GABRG2: variants seen among roughly 807,000 people sequenced by gnomAD.
GABRG2 encodes gamma-aminobutyric acid receptor subunit gamma-2.
In GABRG2, 16 loss-of-function variants were observed where a neutral mutation model predicts 56.4. The ratio of observed to expected loss-of-function variants is 0.28; its 90% CI spans 0.19 to 0.43. GABRG2 has a LOEUF of 0.43. Ranked by LOEUF, GABRG2 falls within the 20% of genes least tolerant of loss-of-function variation. GABRG2 has a pLI of 1.00. For synonymous variants in GABRG2, 208 were observed against 205.5 expected, an observed-to-expected ratio of 1.01 and a Z score of -0.10; for missense variants, 327 against 582.7, an observed-to-expected ratio of 0.56 and a Z score of 4.52.
chr5:162,104,902 G>C lies in GABRG2; in HGVS notation c.769+876G>C, dbSNP rs112253583. Among the ~76,000 whole-genome samples the C allele has an allele frequency of 1.6e-3, 246 of 152,272 alleles. 3 individuals are homozygous for C. The highest frequency in any genetic ancestry group is 5.4e-3 in the African/African-American group (223 of 41,554). On this transcript the variant is annotated intron_variant, in intron 6 of 9. Coordinates refer to ENST00000639213, the MANE Select transcript of GABRG2 (RefSeq NM_198904.4). ...TATGTTTCTGTCTCATGGGTGGCCA[G>C]TTTGAACTCTCAGCAATGTTGCTTA... is the stretch of plus-strand genomic sequence containing the variant.
At chr5:162,109,173 A>G (rs1195686931) in intron 6 of GABRG2, among the ~76,000 whole-genome samples, 2 of 151,620 alleles carry the variant, frequency 1.3e-5, no homozygotes, top group African/African-American at 2.4e-5. Context: ...GTTCTCCCTC[A>G]TAGGTGGGAA....
intron 2 of GABRG2, among the ~76,000 whole-genome samples, 172 bp from the exon 3 acceptor site, chr5:162,095,323 C>A (rs1177053028): frequency 1.3e-5 from 2 of 152,220 alleles, no homozygotes; most frequent in Middle Eastern, 3.4e-3. Context: ...AAAGATATTT[C>A]TTTGAAAACA....
intron 6 of GABRG2, among the ~76,000 whole-genome samples, chr5:162,138,953 A>G (rs1467523892): frequency 6.6e-6 from 1 of 152,092 alleles, no homozygotes; most frequent in Non-Finnish European, 1.5e-5. Flanking sequence ...TGAGAACCTA[A>G]ACGCTCCACT....
chr5:162,149,364 A>C (rs373903217), intron 8 of GABRG2, 51 bp downstream of exon 8: 46 of 1,580,750 alleles, frequency 2.9e-5, no homozygotes, highest in Non-Finnish European at 3.9e-5. Context: ...ATTTCGGTTT[A>C]GTTTGTTTTC....
At chr5:162,118,204 G>A (rs1762751973) in intron 6 of GABRG2, among the ~76,000 whole-genome samples, 2 of 146,082 alleles carry the variant, frequency 1.4e-5, no homozygotes, top group South Asian at 2.2e-4. Context: ...AGGTTCTGAT[G>A]GTGTGTGTGT....
chr5:162,153,794 C>G lies in GABRG2; in HGVS notation c.*426C>G, dbSNP rs1765541296. The G allele has an allele frequency of 5.4e-6, 1 of 184,288 alleles. No individual in the cohort carries two copies. The highest frequency in any genetic ancestry group is 1.2e-5 in the Non-Finnish European group (1 of 86,812). The allele number at this position is 184,288 out of a possible 1,614,324, so 11.4% of individuals were successfully genotyped here. A position where few individuals can be genotyped will look rare whatever the true frequency, so the allele number is the denominator to read the frequency against. On this transcript the variant is annotated 3_prime_UTR_variant, in exon 10 of 10. Coordinates refer to ENST00000639213, the MANE Select transcript of GABRG2 (RefSeq NM_198904.4). Reference sequence around the variant, plus strand: ...AATTTGATCCCAATAGAATACCTCCCTCATTTAAGAAAAATCATAACTCAC... The same window carrying G: ...AATTTGATCCCAATAGAATACCTCCGTCATTTAAGAAAAATCATAACTCAC...
intron 5 of GABRG2, 97 bp downstream of exon 5, chr5:162,101,414 T>A: frequency 2.3e-6 from 2 of 868,648 alleles, no homozygotes; most frequent in Non-Finnish European, 3.9e-6. Flanking sequence ...AATTTCAAAG[T>A]TGTATTAAGT....
At chr5:162,075,457 T>C (rs1581296294) in intron 1 of GABRG2, among the ~76,000 whole-genome samples, 1 of 152,134 alleles carries the variant, frequency 6.6e-6, no homozygotes, top group Admixed American at 6.6e-5. Context: ...TACTTACTTA[T>C]AGCCTTTAGT....
At chr5:162,114,331 G>A (rs537268653) in intron 6 of GABRG2, among the ~76,000 whole-genome samples, 18 of 152,026 alleles carry the variant, frequency 1.2e-4, no homozygotes, top group African/African-American at 2.7e-4. Flanking sequence ...TAGGTGTATC[G>A]CTATAAAAAT....
intron 3 of GABRG2, among the ~76,000 whole-genome samples, chr5:162,096,743 C>CT (rs538922071): frequency 0.011 from 1,596 of 143,534 alleles, 19 homozygotes; most frequent in African/African-American, 0.033. Flanking sequence ...ACCATATCTG[C>CT]TTTTTTTTTT....
At chr5:162,078,687 G>A (rs541606302) in intron 1 of GABRG2, among the ~76,000 whole-genome samples, 2 of 151,672 alleles carry the variant, frequency 1.3e-5, no homozygotes, top group Non-Finnish European at 2.9e-5. Context: ...TTACAGGTAT[G>A]AGCCACCGTG....
At chr5:162,069,756 T>C (rs892614508) in intron 1 of GABRG2, among the ~76,000 whole-genome samples, 1 of 152,194 alleles carries the variant, frequency 6.6e-6, no homozygotes, top group African/African-American at 2.4e-5. Context: ...TACAATTTGG[T>C]GAAATCCTGA....
At chr5:162,091,823 G>T (rs1760617343) in intron 1 of GABRG2, among the ~76,000 whole-genome samples, 2 of 152,022 alleles carry the variant, frequency 1.3e-5, no homozygotes, top group Non-Finnish European at 2.9e-5. Context: ...GGCATAAGGA[G>T]GTGCCATAAA....
chr5:162,113,679 C>T (rs1180190819), intron 6 of GABRG2, among the ~76,000 whole-genome samples: 2 of 152,156 alleles, frequency 1.3e-5, no homozygotes, highest in Non-Finnish European at 2.9e-5. Flanking sequence ...GCACCATGTA[C>T]CAATGATATA....
At chr5:162,125,393 AAG>A (rs1763265568) in intron 6 of GABRG2, among the ~76,000 whole-genome samples, 1 of 150,754 alleles carries the variant, frequency 6.6e-6, no homozygotes, top group South Asian at 2.1e-4. Flanking sequence ...AATATAATCA[AAG>A]AGTGTCTGGA....
intron 1 of GABRG2, among the ~76,000 whole-genome samples, chr5:162,089,224 AT>A (rs1252878027): frequency 1.3e-5 from 2 of 152,126 alleles, no homozygotes; most frequent in Admixed American, 6.6e-5. Context: ...GTTTGGCCTG[AT>A]TTCCAGAACT....
chr5:162,118,690 G>C (rs532616874), intron 6 of GABRG2, among the ~76,000 whole-genome samples: 78 of 152,130 alleles, frequency 5.1e-4, no homozygotes, highest in Non-Finnish European at 1.0e-3. Flanking sequence ...AAGGAACAAG[G>C]CTGAGATTGT....
intron 7 of GABRG2, among the ~76,000 whole-genome samples, chr5:162,146,595 C>T (rs75940177): frequency 0.014 from 2,122 of 151,376 alleles, 58 homozygotes; most frequent in African/African-American, 0.049. Context: ...CATTGGCTCA[C>T]TGTTTCACAC....
chr5:162,153,605 A>G lies in GABRG2; in HGVS notation c.*237A>G. 1 of 593,508 alleles carries G rather than the reference A, an allele frequency of 1.7e-6. No individual in the cohort carries two copies. Among genetic ancestry groups the G allele is most frequent in the African/African-American group, 1.9e-5 (1 of 53,760 alleles). The allele number at this position is 593,508 out of a possible 1,614,324, so 36.8% of individuals were successfully genotyped here. ...AACCTGCAAGGCAAAGTAAAATTAG[A>G]GCAAGAACATTCAAACCAAATAAGA... On this transcript the variant is annotated 3_prime_UTR_variant, in exon 10 of 10. Coordinates refer to ENST00000639213, the MANE Select transcript of GABRG2 (RefSeq NM_198904.4).
Sources: gnomAD v4.1 joint callset for allele counts (sites outside exome capture counted in the v4.1 genomes callset) on GRCh38, gnomAD v4.1.1 for gene constraint, MANE v1.5 for transcripts, NCBI Gene and HGNC (gene_info 2026-07-23, HGNC 2026-07-21) for gene names.